Variants in DCC observed in about 807,000 individuals in gnomAD.
The protein encoded by DCC is netrin receptor DCC.
DCC carries 58 observed loss-of-function variants against 172.5 expected under a neutral mutation model. That is an observed-to-expected ratio of 0.34 (90% CI 0.27 to 0.42). DCC has a LOEUF of 0.42. Ranked by LOEUF, DCC falls within the 10% of genes least tolerant of loss-of-function variation. DCC has a pLI of 1.00. For missense variants in DCC, 1,740 were observed against 1,791.0 expected (o/e 0.97, Z 0.51); for synonymous variants, 709 against 644.5 (o/e 1.10, Z -1.52).
intron 1 of DCC, among the ~76,000 whole-genome samples, chr18:52,483,085 T>A (rs1040008434): frequency 6.6e-6 from 1 of 152,126 alleles, no homozygotes; most frequent in African/African-American, 2.4e-5. Context: ...GGCTTGCTGT[T>A]ATATAACTCT....
intron 5 of DCC, among the ~76,000 whole-genome samples, chr18:52,942,653 C>T (rs201536106): frequency 6.6e-6 from 1 of 152,124 alleles, no homozygotes; most frequent in East Asian, 1.9e-4. Flanking sequence ...ACCATCAGAT[C>T]TTGTAAGACT....
chr18:52,676,514 A>G (rs1206956165), intron 1 of DCC, among the ~76,000 whole-genome samples: 1 of 152,214 alleles, frequency 6.6e-6, no homozygotes, highest in Non-Finnish European at 1.5e-5. Context: ...ATTTTTACAA[A>G]CAAGTCCTAG....
intron 2 of DCC, among the ~76,000 whole-genome samples, chr18:52,868,842 A>C (rs1247034129): frequency 1.3e-5 from 2 of 152,226 alleles, no homozygotes; most frequent in Admixed American, 1.3e-4. Context: ...CAGCCACTGC[A>C]CACAGTCAGA....
At chr18:52,847,066 C>G (rs545063319) in intron 2 of DCC, among the ~76,000 whole-genome samples, 1 of 152,286 alleles carries the variant, frequency 6.6e-6, no homozygotes, top group Admixed American at 6.5e-5. Context: ...CTGAGATGGG[C>G]TTTCAATTTG....
chr18:53,185,661 A>G (rs1346343330), intron 9 of DCC, among the ~76,000 whole-genome samples: 1 of 152,300 alleles, frequency 6.6e-6, no homozygotes, highest in South Asian at 2.1e-4. Context: ...ATTATTTCAG[A>G]AAGTTCTCTC....
intron 2 of DCC, among the ~76,000 whole-genome samples, chr18:52,821,554 T>A (rs577969967): frequency 3.3e-4 from 50 of 152,336 alleles, no homozygotes; most frequent in African/African-American, 1.1e-3. Flanking sequence ...TTTAGCCCCC[T>A]TCAATGAGGC....
chr18:52,512,507 A>C (rs1340995524), intron 1 of DCC, among the ~76,000 whole-genome samples: 1 of 152,176 alleles, frequency 6.6e-6, no homozygotes, highest in Non-Finnish European at 1.5e-5. Context: ...TTTGGCTTTA[A>C]ATTTTAATTA....
chr18:52,763,024 A>G (rs1037903013), intron 2 of DCC, among the ~76,000 whole-genome samples: 1 of 152,214 alleles, frequency 6.6e-6, no homozygotes. Flanking sequence ...GGCTCTTCCT[A>G]GATAAGCTTC....
chr18:53,412,851 G>A (rs1489426843), intron 20 of DCC, among the ~76,000 whole-genome samples: 1 of 152,130 alleles, frequency 6.6e-6, no homozygotes, highest in Admixed American at 6.6e-5. Context: ...AAGGACATTT[G>A]TAATTAGAAA....
At chr18:53,001,877 A>G (rs887226939) in intron 5 of DCC, among the ~76,000 whole-genome samples, 10 of 151,984 alleles carry the variant, frequency 6.6e-5, no homozygotes, top group African/African-American at 2.4e-4. Context: ...AGTTTAATCA[A>G]CCTCCATTGT....
chr18:53,158,634 G>GC (rs34690646), intron 8 of DCC, among the ~76,000 whole-genome samples: 8,367 of 152,104 alleles, frequency 0.055, 306 homozygotes, highest in East Asian at 0.11. Context: ...GTAGTTGGCA[G>GC]CAAGTTCAAG....
In DCC at chr18:52,808,501, C is replaced by T. The variant is rs28690551; in HGVS notation, c.412+56127C>T. Among the ~76,000 whole-genome samples, 531 of 149,640 alleles carry T rather than the reference C, an allele frequency of 3.5e-3. 8 individuals are homozygous for T. Among genetic ancestry groups the T allele is most frequent in the African/African-American group, 0.012 (501 of 40,656 alleles). On this transcript the variant is annotated intron_variant, in intron 2 of 28. Transcript: ENST00000442544. ...GAAAAACAAAAGACAAAATAGAAAA[C>T]AATTTTATAAATGTAAAATGGATCA...
At chr18:52,977,252 T>C (rs2041133630) in intron 5 of DCC, among the ~76,000 whole-genome samples, 2 of 152,202 alleles carry the variant, frequency 1.3e-5, no homozygotes, top group South Asian at 4.1e-4. Context: ...TGTAAACTGA[T>C]GGATAGACTA....
At chr18:52,691,847 G>T (rs906857364) in intron 1 of DCC, among the ~76,000 whole-genome samples, 3 of 152,046 alleles carry the variant, frequency 2.0e-5, no homozygotes, top group African/African-American at 7.2e-5. Context: ...GACCCATTCT[G>T]CACTCAAATG....
chr18:52,828,511 G>A (rs372142263), intron 2 of DCC, among the ~76,000 whole-genome samples: 9 of 151,884 alleles, frequency 5.9e-5, no homozygotes, highest in Non-Finnish European at 7.4e-5. Flanking sequence ...TAAAGATACC[G>A]AAAGTCTCCA....
chr18:52,837,834 C>T (rs1257519188), intron 2 of DCC, among the ~76,000 whole-genome samples: 2 of 152,138 alleles, frequency 1.3e-5, no homozygotes, highest in Non-Finnish European at 2.9e-5. Flanking sequence ...GGGTAATTTA[C>T]AAAGGAAAGA....
intron 1 of DCC, among the ~76,000 whole-genome samples, chr18:52,434,487 T>A (rs1987725495): frequency 6.6e-6 from 1 of 152,208 alleles, no homozygotes; most frequent in African/African-American, 2.4e-5. Flanking sequence ...TCCATAAAAT[T>A]CAACTTCCTA....
intron 2 of DCC, among the ~76,000 whole-genome samples, chr18:52,894,052 C>T (rs193265914): frequency 1.4e-4 from 22 of 152,254 alleles, no homozygotes; most frequent in Admixed American, 2.6e-4. Context: ...ACACATGTTG[C>T]TTCTCTGTCT....
intron 1 of DCC, among the ~76,000 whole-genome samples, chr18:52,431,073 C>T (rs906625822): frequency 6.6e-6 from 1 of 152,124 alleles, no homozygotes. Context: ...ATACCCTTCA[C>T]AGTGATCCTC....
Sources: gnomAD v4.1 joint callset for allele counts (sites outside exome capture counted in the v4.1 genomes callset) on GRCh38, gnomAD v4.1.1 for gene constraint, MANE v1.5 for transcripts, NCBI Gene and HGNC (gene_info 2026-07-23, HGNC 2026-07-21) for gene names.